TMEM117: variants seen among roughly 807,000 people sequenced by gnomAD.
TMEM117 encodes the protein transmembrane protein 117.
TMEM117 carries 27 observed loss-of-function variants against 52.4 expected under a neutral mutation model. That is an observed-to-expected ratio of 0.51 (90% CI 0.38 to 0.71). The LOEUF (loss-of-function observed/expected upper bound fraction) is 0.71, where lower values mean the gene tolerates loss of function less well. TMEM117 is among the 30% of genes least tolerant of loss of function. The pLI is 0.00. For missense variants in TMEM117, 556 were observed against 630.5 expected (o/e 0.88, Z 1.26); for synonymous variants, 215 against 206.3 (o/e 1.04, Z -0.36).
chr12:43,906,906 G>A (rs2407787), intron 2 of TMEM117, among the ~76,000 whole-genome samples: 108,591 of 151,794 alleles, frequency 0.72, 41,938 homozygotes, highest in East Asian at 0.87. Context: ...CAAGGCGGCA[G>A]CGAGGCTGGG....
intron 6 of TMEM117, among the ~76,000 whole-genome samples, chr12:44,308,904 C>A (rs1950938191): frequency 6.6e-6 from 1 of 152,210 alleles, no homozygotes; most frequent in Admixed American, 6.5e-5. Flanking sequence ...TAGACGTCAG[C>A]CACTGCGCCC....
At chr12:44,373,996 G>A (rs142146398) in intron 6 of TMEM117, among the ~76,000 whole-genome samples, 267 of 151,892 alleles carry the variant, frequency 1.8e-3, no homozygotes, top group African/African-American at 6.1e-3. Context: ...TAGCCAGGCT[G>A]GTCTCAAACT....
At chr12:43,816,497 A>C in the TMEM117 span, among the ~76,000 whole-genome samples, 1 of 150,578 alleles carries the variant, frequency 6.6e-6, no homozygotes, top group African/African-American at 2.5e-5. Context: ...CCTCCTATCC[A>C]CTACTCATGA....
rs80246787 is a variant in TMEM117 at position 44,298,417 on chromosome 12, T to G, written c.609-1163T>G. 4.0e-5 allele frequency among the ~76,000 whole-genome samples: 5 copies of G among 125,676 alleles called. 1 individual carries two copies. The highest frequency in any genetic ancestry group is 2.2e-4 in the African/African-American group (5 of 23,164). 82.4% of individuals were successfully genotyped at this position (125,676 alleles called of 152,430 possible). A position where few individuals can be genotyped will look rare whatever the true frequency, so the allele number is the denominator to read the frequency against. ...TGATTAAATTTATTTCAAGTAATTG[T>G]TTTTTTTTTTCTTCTTATAATTCTA... On this transcript the variant is annotated intron_variant, in intron 5 of 7. Coordinates refer to ENST00000266534, the MANE Select transcript of TMEM117 (RefSeq NM_032256.3).
intron 4 of TMEM117, among the ~76,000 whole-genome samples, chr12:44,203,982 T>C (rs1949531322): frequency 6.6e-6 from 1 of 152,144 alleles, no homozygotes; most frequent in African/African-American, 2.4e-5. Flanking sequence ...GGGCAAAATA[T>C]GGATGCATTT....
chr12:44,091,186 A>G (rs1453621226), intron 3 of TMEM117, among the ~76,000 whole-genome samples: 2 of 151,912 alleles, frequency 1.3e-5, no homozygotes, highest in Admixed American at 6.6e-5. Context: ...CCCCTGATAA[A>G]CCCATCAGAC....
intron 2 of TMEM117, among the ~76,000 whole-genome samples, chr12:43,855,765 A>G (rs189788230): frequency 2.0e-5 from 3 of 152,306 alleles, no homozygotes; most frequent in Admixed American, 2.0e-4. Context: ...AATTTAATAA[A>G]GTGAAATGCC....
intron 1 of TMEM117, among the ~76,000 whole-genome samples, chr12:43,839,688 C>T (rs1357017230): frequency 6.6e-6 from 1 of 152,104 alleles, no homozygotes; most frequent in Non-Finnish European, 1.5e-5. Flanking sequence ...TATCTGTTTC[C>T]CTCAAAGAAA....
chr12:43,846,351 C>G (rs946214821), intron 2 of TMEM117, among the ~76,000 whole-genome samples: 1 of 152,072 alleles, frequency 6.6e-6, no homozygotes, highest in East Asian at 1.9e-4. Flanking sequence ...GTTTGTCTCT[C>G]TCTATAATAT....
Position 44,091,216 on chromosome 12 carries a change from A to C in TMEM117, c.411-52309A>C, listed in dbSNP as rs368668690. On this transcript the variant is annotated intron_variant, in intron 3 of 7. Coordinates refer to ENST00000266534, the MANE Select transcript of TMEM117 (RefSeq NM_032256.3). ...TCAGACCTCAGGAGACTTATTTGCTATCATGAGAATAACACAGGAAAGACC... is the reference window on the plus strand; with the variant it reads ...TCAGACCTCAGGAGACTTATTTGCTCTCATGAGAATAACACAGGAAAGACC... Among the ~76,000 whole-genome samples the C allele has an allele frequency of 2.8e-4, 43 of 152,284 alleles. No individual in the cohort carries two copies. The South Asian group carries it at 8.9e-3, about 32-fold the overall frequency.
chr12:44,346,973 C>CT (rs944370374), intron 6 of TMEM117, among the ~76,000 whole-genome samples: 2 of 152,022 alleles, frequency 1.3e-5, no homozygotes, highest in African/African-American at 4.8e-5. Context: ...GTTTTAACCA[C>CT]TTTTTTTCCT....
At chr12:44,242,476 T>C (rs932225459) in intron 5 of TMEM117, among the ~76,000 whole-genome samples, 1 of 151,788 alleles carries the variant, frequency 6.6e-6, no homozygotes, top group Non-Finnish European at 1.5e-5. Context: ...ATCTCATTCT[T>C]TTTTTATGGC....
At chr12:44,082,729 CACA>C (rs1947502166) in intron 3 of TMEM117, among the ~76,000 whole-genome samples, 2 of 151,992 alleles carry the variant, frequency 1.3e-5, no homozygotes, top group Middle Eastern at 3.2e-3. Flanking sequence ...TGTTATGCAA[CACA>C]ACAATATAAT....
chr12:43,996,663 A>C (rs1946036460), intron 3 of TMEM117, among the ~76,000 whole-genome samples: 1 of 151,558 alleles, frequency 6.6e-6, no homozygotes, highest in African/African-American at 2.4e-5. Flanking sequence ...TAAATAAATA[A>C]ATAAATAAAT....
At chr12:44,158,170 G>T (rs1948852001) in intron 4 of TMEM117, among the ~76,000 whole-genome samples, 1 of 152,154 alleles carries the variant, frequency 6.6e-6, no homozygotes, top group Non-Finnish European at 1.5e-5. Flanking sequence ...GCTGAGTAAA[G>T]ATGGTATTTT....
chr12:44,008,276 TGA>T, intron 3 of TMEM117, among the ~76,000 whole-genome samples: 1 of 152,278 alleles, frequency 6.6e-6, no homozygotes, highest in East Asian at 1.9e-4. Context: ...GAATAAAGAA[TGA>T]GTCTTGACTG....
chr12:44,334,223 A>C (rs1269047859), intron 6 of TMEM117, among the ~76,000 whole-genome samples: 1 of 152,056 alleles, frequency 6.6e-6, no homozygotes, highest in African/African-American at 2.4e-5. Context: ...CTGTCAAGAC[A>C]AGTAATTATG....
At chr12:44,261,797 T>G (rs1422958373) in intron 5 of TMEM117, among the ~76,000 whole-genome samples, 1 of 152,226 alleles carries the variant, frequency 6.6e-6, no homozygotes, top group African/African-American at 2.4e-5. Flanking sequence ...GGATGGTGTT[T>G]GGAACAAAGC....
chr12:43,898,503 A>G (rs976872617), intron 2 of TMEM117, among the ~76,000 whole-genome samples: 2 of 152,168 alleles, frequency 1.3e-5, no homozygotes, highest in Admixed American at 1.3e-4. Context: ...TCACATTTCT[A>G]GATCTATTCT....
Sources: gnomAD v4.1 joint callset for allele counts (sites outside exome capture counted in the v4.1 genomes callset) on GRCh38, gnomAD v4.1.1 for gene constraint, MANE v1.5 for transcripts, NCBI Gene and HGNC (gene_info 2026-07-23, HGNC 2026-07-21) for gene names.